The following DCC variants were observed in gnomAD, a reference collection of about 807,000 sequenced individuals.
DCC encodes DCC netrin 1 receptor.
In DCC, 58 loss-of-function variants were observed where a neutral mutation model predicts 172.5. The ratio of observed to expected loss-of-function variants is 0.34; its 90% CI spans 0.27 to 0.42. The LOEUF is 0.42. Ranked by LOEUF, DCC falls within the 10% of genes least tolerant of loss-of-function variation. The pLI is 1.00. For synonymous variants in DCC, 709 were observed against 644.5 expected, an observed-to-expected ratio of 1.10 and a Z score of -1.52; for missense variants, 1,740 against 1,791.0, an observed-to-expected ratio of 0.97 and a Z score of 0.51.
intron 1 of DCC, among the ~76,000 whole-genome samples, chr18:52,557,694 C>T (rs1472248337): frequency 6.6e-6 from 1 of 152,206 alleles, no homozygotes; most frequent in Non-Finnish European, 1.5e-5. Flanking sequence ...CTAATTTACT[C>T]TGTCACTCAG....
chr18:52,808,446 T>A (rs1221203015), intron 2 of DCC, among the ~76,000 whole-genome samples: 1 of 151,274 alleles, frequency 6.6e-6, no homozygotes, highest in Non-Finnish European at 1.5e-5. Context: ...AAAGTCTCAA[T>A]ATCATAGATT....
chr18:53,066,289 A>G, intron 7 of DCC, 123 bp downstream of exon 7: 1 of 863,410 alleles, frequency 1.2e-6, no homozygotes, highest in Non-Finnish European at 1.9e-6. Context: ...CATTTAGTTA[A>G]TTAAGGTGTA....
rs374642635 is a variant in DCC at position 53,429,046 on chromosome 18, A to ATTTT, written c.3164-6097_3164-6096insTTTT. Among the ~76,000 whole-genome samples, 43 of 25,268 alleles carry ATTTT rather than the reference A, an allele frequency of 1.7e-3. 12 individuals carry two copies. The highest frequency in any genetic ancestry group is 3.5e-3 in the Non-Finnish European group (30 of 8,514). 16.6% of individuals were successfully genotyped at this position (25,268 alleles called of 152,430 possible). A position where few individuals can be genotyped will look rare whatever the true frequency, so the allele number is the denominator to read the frequency against. On this transcript the variant is annotated intron_variant, in intron 21 of 28. Transcript: ENST00000442544. The stretch of plus-strand genomic sequence containing the variant: ...TTTTTATATAATATATATTTTATAT[A>ATTTT]TAATATATTATATATTTTATATATA...
chr18:52,656,119 A>G (rs905965043), intron 1 of DCC, among the ~76,000 whole-genome samples: 2 of 148,800 alleles, frequency 1.3e-5, no homozygotes, highest in African/African-American at 4.9e-5. Context: ...TATATAACAT[A>G]TATATGTATA....
At chr18:52,517,517 T>A (rs1419660428) in intron 1 of DCC, among the ~76,000 whole-genome samples, 1 of 152,190 alleles carries the variant, frequency 6.6e-6, no homozygotes, top group Non-Finnish European at 1.5e-5. Flanking sequence ...AATGAAGACA[T>A]CATCATATCT....
In DCC at chr18:52,620,047, G is replaced by A. The variant is rs184003271; in HGVS notation, c.92-132007G>A. ...TTGGAAAGGCCATTGAGGCCCCCTC[G>A]TAATTTATATAAAGGAACTGACAAC... On this transcript the variant is annotated intron_variant, in intron 1 of 28. Coordinates refer to ENST00000442544, the MANE Select transcript of DCC (RefSeq NM_005215.4). 2.8e-4 allele frequency among the ~76,000 whole-genome samples: 42 copies of A among 152,284 alleles called. No individual in the cohort carries two copies. In the East Asian group the frequency reaches 2.9e-3, roughly 10 times the overall value.
rs2046547846 is a variant in DCC at position 53,533,886 on chromosome 18, T to C, written c.*3233T>C. 1 of 152,232 alleles carries C rather than the reference T, an allele frequency of 6.6e-6. No individual in the cohort carries two copies. The highest frequency in any genetic ancestry group is 1.9e-4 in the East Asian group (1 of 5,198). The allele number at this position is 152,232 out of a possible 1,614,324, so 9.4% of individuals were successfully genotyped here. On this transcript the variant is annotated 3_prime_UTR_variant, in exon 29 of 29. Coordinates refer to ENST00000442544, the MANE Select transcript of DCC (RefSeq NM_005215.4). ...AAAATTAGGTGTATGTTCAATCTCC[T>C]GCTTTGGTTCCAGCTACACAAGGAG...
intron 7 of DCC, among the ~76,000 whole-genome samples, chr18:53,128,548 G>A (rs1393172377): frequency 6.6e-6 from 1 of 151,956 alleles, no homozygotes; most frequent in Non-Finnish European, 1.5e-5. Context: ...AGTACCCAGT[G>A]TTTTCAAAGC....
At chr18:53,497,223 G>C (rs2046035449) in intron 26 of DCC, among the ~76,000 whole-genome samples, 1 of 152,196 alleles carries the variant, frequency 6.6e-6, no homozygotes, top group African/African-American at 2.4e-5. Context: ...GAACACAGAA[G>C]CCAAAGCATT....
In DCC at chr18:53,345,709, C is replaced by CT. The variant is rs200965801; in HGVS notation, c.2359+5811dup. ...TTTATCTGAAAATATCTTAATTCTA[C>CT]TTTTTTTTTCTGAAGGATATTTTCA... On this transcript the variant is annotated intron_variant, in intron 15 of 28. Coordinates refer to ENST00000442544, the MANE Select transcript of DCC (RefSeq NM_005215.4). Among the ~76,000 whole-genome samples, 588 of 151,014 alleles carry CT rather than the reference C, an allele frequency of 3.9e-3. 3 individuals carry two copies. The highest frequency in any genetic ancestry group is 0.014 in the African/African-American group (568 of 41,300).
At chr18:53,454,253 G>A (rs1813167341) in intron 23 of DCC, among the ~76,000 whole-genome samples, 1 of 152,154 alleles carries the variant, frequency 6.6e-6, no homozygotes, top group Admixed American at 6.5e-5. Context: ...GCTGAGGTTG[G>A]GGGATCACTT....
At chr18:53,107,489 T>G (rs915048361) in intron 7 of DCC, among the ~76,000 whole-genome samples, 3 of 148,104 alleles carry the variant, frequency 2.0e-5, no homozygotes, top group African/African-American at 7.5e-5. Context: ...GATGCTCTCT[T>G]ACGTTTATAA....
chr18:53,352,601 A>G (rs904683354), intron 15 of DCC, among the ~76,000 whole-genome samples: 1 of 152,104 alleles, frequency 6.6e-6, no homozygotes, highest in East Asian at 1.9e-4. Flanking sequence ...TTACTTTAAA[A>G]CTATGTGTGT....
At chr18:53,438,373 C>T (rs756661491) in intron 22 of DCC, among the ~76,000 whole-genome samples, 2 of 152,296 alleles carry the variant, frequency 1.3e-5, no homozygotes, top group South Asian at 2.1e-4. Flanking sequence ...CTCTCTTAAA[C>T]TGCATGTCCA....
chr18:53,242,871 G>GGTGTGTGTGTGTGTGTGT (rs3059140), intron 12 of DCC, among the ~76,000 whole-genome samples: 54 of 148,526 alleles, frequency 3.6e-4, no homozygotes, highest in Middle Eastern at 6.9e-3. Flanking sequence ...ATGACAAGTA[G>GGTGTGTGTGTGTGTGTGT]GTGTGTGTGT....
chr18:52,929,277 CAA>C (rs897725645), intron 5 of DCC, among the ~76,000 whole-genome samples: 63 of 152,112 alleles, frequency 4.1e-4, no homozygotes, highest in African/African-American at 1.5e-3. Flanking sequence ...GGCATCCGAC[CAA>C]AGAGTCTTAG....
intron 1 of DCC, among the ~76,000 whole-genome samples, chr18:52,612,816 A>G (rs2034300250): frequency 6.6e-6 from 1 of 152,198 alleles, no homozygotes; most frequent in African/African-American, 2.4e-5. Context: ...TTTTTGCCTT[A>G]TGTAATCTCT....
chr18:53,302,934 C>T (rs186984260), intron 12 of DCC, among the ~76,000 whole-genome samples: 134 of 152,230 alleles, frequency 8.8e-4, no homozygotes, highest in Non-Finnish European at 1.7e-3. Flanking sequence ...CAGCAATGTG[C>T]CTTGAAATGG....
chr18:52,787,883 C>G (rs552107559), intron 2 of DCC, among the ~76,000 whole-genome samples: 4 of 151,884 alleles, frequency 2.6e-5, no homozygotes, highest in African/African-American at 9.7e-5. Context: ...AAATTTTTAC[C>G]CTTGCATTAG....
Sources: gnomAD v4.1 joint callset for allele counts (sites outside exome capture counted in the v4.1 genomes callset) on GRCh38, gnomAD v4.1.1 for gene constraint, MANE v1.5 for transcripts, NCBI Gene and HGNC (gene_info 2026-07-23, HGNC 2026-07-21) for gene names.